The following ZNF385B variants were observed in gnomAD, a reference collection of about 807,000 sequenced individuals.
ZNF385B encodes zinc finger protein 385B.
A neutral mutation model predicts 39.2 loss-of-function variants in ZNF385B; 23 were observed. The observed-to-expected ratio is 0.59, with a 90% confidence interval of 0.42 to 0.83. ZNF385B has a LOEUF of 0.83. Among genes scored for constraint, ZNF385B ranks in the 40% least tolerant of loss-of-function variants. The pLI is 0.00. For missense variants in ZNF385B, 552 were observed against 598.9 expected, an observed-to-expected ratio of 0.92 and a Z score of 0.82; for synonymous variants, 205 against 222.6, an observed-to-expected ratio of 0.92 and a Z score of 0.70.
Position 179,811,866 on chromosome 2 carries a change from C to T in ZNF385B, c.-154-41194G>A, listed in dbSNP as rs377238235. ...AACTATCAACAGAATAAACAGACAA[C>T]CTACAAAAGGGAAGAACTTATTTAT... On this transcript the variant is annotated intron_variant, in intron 1 of 9. Coordinates refer to ENST00000410066, the MANE Select transcript of ZNF385B (RefSeq NM_152520.6). Among the ~76,000 whole-genome samples, 6 of 152,116 alleles carry T rather than the reference C, an allele frequency of 3.9e-5. No homozygotes were observed. The East Asian group carries it at 1.2e-3, about 29-fold the overall frequency.
intron 3 of ZNF385B, among the ~76,000 whole-genome samples, chr2:179,617,115 A>T (rs1689816370): frequency 6.6e-6 from 1 of 152,194 alleles, no homozygotes; most frequent in East Asian, 1.9e-4. Flanking sequence ...ACAGCTGCTA[A>T]ATTCTCTTAA....
intron 3 of ZNF385B, among the ~76,000 whole-genome samples, chr2:179,729,128 CAAA>C (rs767380342): frequency 1.7e-3 from 133 of 76,640 alleles, no homozygotes; most frequent in African/African-American, 4.9e-3. Flanking sequence ...ATTCTATTCT[CAAA>C]AAAAAAAAAA....
chr2:179,458,438 G>A (rs973822887), intron 6 of ZNF385B, among the ~76,000 whole-genome samples: 1 of 152,060 alleles, frequency 6.6e-6, no homozygotes, highest in African/African-American at 2.4e-5. Context: ...TTTATAAATT[G>A]CCTTTATCAG....
rs747645674 is a variant in ZNF385B, at chr2:179,729,147, AC to A, written c.298+40355del. ...TATTCTCAAAAAAAAAAAAAAAAAA[AC>A]CAAGGAAATTAACTTTCTTTTTAGT... On this transcript the variant is annotated intron_variant, in intron 3 of 9. Coordinates refer to ENST00000410066, the MANE Select transcript of ZNF385B (RefSeq NM_152520.6). 5.6e-3 allele frequency among the ~76,000 whole-genome samples: 815 copies of A among 146,386 alleles called. 8 individuals carry two copies. The highest frequency in any genetic ancestry group is 0.018 in the African/African-American group (725 of 40,124).
intron 3 of ZNF385B, among the ~76,000 whole-genome samples, chr2:179,580,519 T>C (rs1252903490): frequency 6.6e-6 from 1 of 152,160 alleles, no homozygotes; most frequent in Non-Finnish European, 1.5e-5. Context: ...GTGACTGTAT[T>C]TGTAGACAGG....
At chr2:179,556,437 A>G (rs1441629682) in intron 3 of ZNF385B, among the ~76,000 whole-genome samples, 3 of 149,804 alleles carry the variant, frequency 2.0e-5, no homozygotes, top group Non-Finnish European at 4.4e-5. Flanking sequence ...AGGAAATTGA[A>G]AGAAGAAAAA....
At chr2:179,742,229 G>A (rs1450799476) in intron 3 of ZNF385B, among the ~76,000 whole-genome samples, 1 of 151,956 alleles carries the variant, frequency 6.6e-6, no homozygotes, top group Non-Finnish European at 1.5e-5. Context: ...TTCTCAGATA[G>A]TAACTTTCTT....
intron 4 of ZNF385B, among the ~76,000 whole-genome samples, chr2:179,536,096 C>CT (rs554788570): frequency 8.9e-4 from 135 of 152,064 alleles, no homozygotes; most frequent in Non-Finnish European, 1.0e-3. Context: ...CATTTTGCTA[C>CT]TTTTTTGTAT....
intron 3 of ZNF385B, among the ~76,000 whole-genome samples, chr2:179,734,258 T>C (rs1335465120): frequency 6.6e-6 from 1 of 152,224 alleles, no homozygotes; most frequent in Non-Finnish European, 1.5e-5. Context: ...ATTTTATGTG[T>C]CTTTGTATAC....
chr2:179,632,458 A>G (rs1691320637), intron 3 of ZNF385B, among the ~76,000 whole-genome samples: 1 of 152,244 alleles, frequency 6.6e-6, no homozygotes, highest in South Asian at 2.1e-4. Context: ...ACTACTGGGT[A>G]AATAAGGAAA....
At chr2:179,625,015 T>G (rs1690535598) in intron 3 of ZNF385B, among the ~76,000 whole-genome samples, 1 of 152,230 alleles carries the variant, frequency 6.6e-6, no homozygotes, top group Non-Finnish European at 1.5e-5. Context: ...GGACCATAAT[T>G]TCCTGTCTTC....
chr2:179,702,058 A>AT lies in ZNF385B; in HGVS notation c.298+67444dup, dbSNP rs149787413. On this transcript the variant is annotated intron_variant, in intron 3 of 9. Coordinates refer to ENST00000410066, the MANE Select transcript of ZNF385B (RefSeq NM_152520.6). ...GCTTCAAAAGACTTTTCACGTTTTC[A>AT]TTTTTTTTTAAAGTGACATTCCTTG... Among the ~76,000 whole-genome samples, 766 of 151,650 alleles carry AT rather than the reference A, an allele frequency of 5.1e-3. 10 individuals carry two copies. Among genetic ancestry groups the AT allele is most frequent in the African/African-American group, 0.017 (690 of 41,388 alleles).
intron 3 of ZNF385B, among the ~76,000 whole-genome samples, chr2:179,720,888 T>C (rs1575340544): frequency 6.6e-6 from 1 of 150,824 alleles, no homozygotes; most frequent in Admixed American, 6.6e-5. Flanking sequence ...GCCTCCCAAG[T>C]AGCTGTGACT....
At chr2:179,802,449 T>C (rs1706093453) in intron 1 of ZNF385B, 1 of 152,156 alleles carries the variant, frequency 6.6e-6, no homozygotes, top group South Asian at 2.1e-4. Context: ...TTTTAGATAA[T>C]AATTTACCCT....
intron 5 of ZNF385B, among the ~76,000 whole-genome samples, chr2:179,483,728 C>T (rs2054264066): frequency 6.6e-6 from 1 of 152,170 alleles, no homozygotes; most frequent in African/African-American, 2.4e-5. Context: ...CATCAGTGCC[C>T]TCCCACCAGT....
At chr2:179,729,303 C>A (rs1294639901) in intron 3 of ZNF385B, among the ~76,000 whole-genome samples, 1 of 152,134 alleles carries the variant, frequency 6.6e-6, no homozygotes, top group Non-Finnish European at 1.5e-5. Flanking sequence ...ACAGAACTTT[C>A]CTGGTGATTA....
At chr2:179,616,640 G>T (rs1379153413) in intron 3 of ZNF385B, among the ~76,000 whole-genome samples, 2 of 152,064 alleles carry the variant, frequency 1.3e-5, no homozygotes, top group Non-Finnish European at 2.9e-5. Flanking sequence ...GCTCCCTGCA[G>T]CCTTTAACTC....
rs1262325596 is a variant in ZNF385B at position 179,548,938 on chromosome 2, T to C, written c.299-3969A>G. Among the ~76,000 whole-genome samples, 15 of 149,600 alleles carry C rather than the reference T, an allele frequency of 1.0e-4. 2 individuals carry two copies. The Middle Eastern group carries it at 0.01, about 103-fold the overall frequency. On this transcript the variant is annotated intron_variant, in intron 3 of 9. Coordinates refer to ENST00000410066, the MANE Select transcript of ZNF385B (RefSeq NM_152520.6). Reference sequence around the variant, plus strand: ...ATTTTCATGACATCTAAGGGAAACTTATCCGTTAGCAGTCACTCCCCATTT... The same window carrying C: ...ATTTTCATGACATCTAAGGGAAACTCATCCGTTAGCAGTCACTCCCCATTT...
intron 3 of ZNF385B, among the ~76,000 whole-genome samples, chr2:179,670,041 CA>C (rs1695707674): frequency 6.6e-6 from 1 of 152,016 alleles, no homozygotes; most frequent in Non-Finnish European, 1.5e-5. Flanking sequence ...CTTGTAATCC[CA>C]GCACTTTGGG....
Sources: allele counts gnomAD v4.1 joint callset (sites outside exome capture counted in the v4.1 genomes callset), GRCh38; gene constraint gnomAD v4.1.1; transcripts MANE v1.5; gene names NCBI Gene and HGNC (gene_info 2026-07-23, HGNC 2026-07-21).